The following DCC variants were observed in gnomAD, a reference collection of about 807,000 sequenced individuals.
DCC encodes the protein DCC netrin 1 receptor, also known as netrin receptor DCC.
In DCC, 58 loss-of-function variants were observed where a neutral mutation model predicts 172.5. The ratio of observed to expected loss-of-function variants is 0.34; its 90% CI spans 0.27 to 0.42. The LOEUF (loss-of-function observed/expected upper bound fraction) is 0.42. Ranked by LOEUF, DCC falls within the 10% of genes least tolerant of loss-of-function variation. The pLI is 1.00. For missense variants in DCC, 1,740 were observed against 1,791.0 expected (o/e 0.97, Z 0.51); for synonymous variants, 709 against 644.5 (o/e 1.10, Z -1.52).
At chr18:52,950,949 A>T (rs1379075839) in intron 5 of DCC, among the ~76,000 whole-genome samples, 1 of 52,722 alleles carries the variant, frequency 1.9e-5, no homozygotes, top group Non-Finnish European at 4.7e-5. Context: ...AAAAAAAAAA[A>T]AAAAAAAAAA....
intron 8 of DCC, among the ~76,000 whole-genome samples, chr18:53,175,615 T>C (rs2055080005): frequency 1.3e-5 from 2 of 151,320 alleles, no homozygotes; most frequent in Non-Finnish European, 2.9e-5. Context: ...GAATCCAACT[T>C]ACAAGGGATG....
At chr18:52,357,934 T>G (rs1216783618) in intron 1 of DCC, among the ~76,000 whole-genome samples, 1 of 60,806 alleles carries the variant, frequency 1.6e-5, no homozygotes, top group Non-Finnish European at 3.6e-5. Flanking sequence ...CGAGACTCTG[T>G]GTAAAAAAAA....
At chr18:53,203,110 TA>T (rs1435521146) in intron 9 of DCC, among the ~76,000 whole-genome samples, 1 of 152,172 alleles carries the variant, frequency 6.6e-6, no homozygotes, top group Non-Finnish European at 1.5e-5. Flanking sequence ...ACTATTCATA[TA>T]CACATTTATT....
intron 27 of DCC, among the ~76,000 whole-genome samples, chr18:53,524,742 C>T (rs2046436305): frequency 6.6e-6 from 1 of 151,950 alleles, no homozygotes. Flanking sequence ...CCTCAAAAAA[C>T]CCATGTAAAT....
intron 1 of DCC, among the ~76,000 whole-genome samples, chr18:52,483,305 G>T (rs868295523): frequency 3.7e-4 from 57 of 152,064 alleles, no homozygotes; most frequent in African/African-American, 1.3e-3. Context: ...TCTGTTGGAG[G>T]GCCATGCAGC....
chr18:53,174,696 C>A (rs573883440), intron 8 of DCC, among the ~76,000 whole-genome samples: 1 of 146,944 alleles, frequency 6.8e-6, no homozygotes, highest in African/African-American at 2.5e-5. Flanking sequence ...AGCTTACCAA[C>A]CAAAAAGAGT....
intron 2 of DCC, among the ~76,000 whole-genome samples, chr18:52,798,698 T>C (rs1228538260): frequency 6.6e-6 from 1 of 151,854 alleles, no homozygotes; most frequent in African/African-American, 2.4e-5. Context: ...CAAAGGAGAA[T>C]GCAGTGAGGT....
chr18:53,228,693 G>T (rs565182907), intron 12 of DCC, among the ~76,000 whole-genome samples: 17 of 152,142 alleles, frequency 1.1e-4, no homozygotes, highest in African/African-American at 3.9e-4. Flanking sequence ...CAAGGATTTC[G>T]GGGTTTATGA....
At chr18:53,519,444 T>G (rs1191580708) in intron 27 of DCC, among the ~76,000 whole-genome samples, 2 of 152,034 alleles carry the variant, frequency 1.3e-5, no homozygotes, top group African/African-American at 4.8e-5. Context: ...AGGTGATTTT[T>G]CCAACTTCTC....
chr18:52,738,087 G>T (rs1357851303), intron 1 of DCC, among the ~76,000 whole-genome samples: 1 of 152,062 alleles, frequency 6.6e-6, no homozygotes, highest in Non-Finnish European at 1.5e-5. Context: ...TTTGCCTCTT[G>T]GTCCACAGAG....
At chr18:53,474,779 TA>T (rs1431570716) in intron 25 of DCC, among the ~76,000 whole-genome samples, 1 of 152,188 alleles carries the variant, frequency 6.6e-6, no homozygotes. Flanking sequence ...GCATTGCTGT[TA>T]AGATACTCAA....
chr18:53,488,262 C>A (rs554328823), intron 26 of DCC, among the ~76,000 whole-genome samples: 1 of 152,086 alleles, frequency 6.6e-6, no homozygotes, highest in East Asian at 1.9e-4. Context: ...ATAGTCCCAG[C>A]TATTTGGGAG....
At chr18:53,011,939 A>G (rs924635512) in intron 5 of DCC, among the ~76,000 whole-genome samples, 4 of 151,926 alleles carry the variant, frequency 2.6e-5, no homozygotes, top group African/African-American at 9.7e-5. Context: ...AAATATATGG[A>G]AAACTACTCA....
At chr18:52,485,280 A>G (rs1279030497) in intron 1 of DCC, among the ~76,000 whole-genome samples, 4 of 152,142 alleles carry the variant, frequency 2.6e-5, no homozygotes. Context: ...TTCTGACAGC[A>G]TAGAAATTGT....
intron 20 of DCC, 105 bp from the exon 21 acceptor site, chr18:53,416,019 A>C: frequency 1.2e-6 from 1 of 801,012 alleles, no homozygotes; most frequent in South Asian, 1.4e-5. Context: ...AGAGGGCACT[A>C]GCTTTGAAAT....
rs1216918147 is a variant in DCC, at chr18:53,257,135, A to G, written c.1911+41538A>G. On this transcript the variant is annotated intron_variant, in intron 12 of 28. Coordinates refer to ENST00000442544, the MANE Select transcript of DCC (RefSeq NM_005215.4). The stretch of plus-strand genomic sequence containing the variant: ...GGGCTGAGACAATGGGGTTTTCTAG[A>G]TGTACAATCATGTCATCTGCAAACA... 2.6e-5 allele frequency among the ~76,000 whole-genome samples: 4 copies of G among 152,150 alleles called. 1 individual carries two copies. In the South Asian group the frequency reaches 8.3e-4, roughly 32 times the overall value.
intron 1 of DCC, among the ~76,000 whole-genome samples, chr18:52,505,425 C>T (rs1469400363): frequency 6.6e-6 from 1 of 152,150 alleles, no homozygotes; most frequent in Non-Finnish European, 1.5e-5. Flanking sequence ...CAACACAGTT[C>T]TTCTCCCTTG....
intron 2 of DCC, among the ~76,000 whole-genome samples, chr18:52,835,340 A>T (rs879357616): frequency 6.6e-6 from 1 of 152,222 alleles, no homozygotes; most frequent in Non-Finnish European, 1.5e-5. Flanking sequence ...AAAGTAATTT[A>T]CTTTCTATTT....
chr18:52,456,224 C>T (rs766170956), intron 1 of DCC, among the ~76,000 whole-genome samples: 1 of 151,992 alleles, frequency 6.6e-6, no homozygotes, highest in East Asian at 1.9e-4. Flanking sequence ...AGGTCTTATC[C>T]TTATGAATCA....
Sources: allele counts gnomAD v4.1 joint callset (sites outside exome capture counted in the v4.1 genomes callset), GRCh38; gene constraint gnomAD v4.1.1; transcripts MANE v1.5; gene names NCBI Gene and HGNC (gene_info 2026-07-23, HGNC 2026-07-21).